EPHA5: variants seen among roughly 807,000 people sequenced by gnomAD.
EPHA5 encodes ephrin type-A receptor 5.
In EPHA5, 60 loss-of-function variants were observed where a neutral mutation model predicts 105.0. The ratio of observed to expected loss-of-function variants is 0.57; its 90% CI spans 0.46 to 0.71. EPHA5 has a LOEUF of 0.71. Ranked by LOEUF, EPHA5 falls within the 30% of genes least tolerant of loss-of-function variation. EPHA5 has a pLI of 0.00. For missense variants in EPHA5, 1,218 were observed against 1,274.7 expected (o/e 0.96, Z 0.68); for synonymous variants, 513 against 449.1 (o/e 1.14, Z -1.80).
At chr4:65,433,745 G>A (rs1447166401) in intron 5 of EPHA5, among the ~76,000 whole-genome samples, 4 of 152,066 alleles carry the variant, frequency 2.6e-5, no homozygotes, top group Admixed American at 6.6e-5. Context: ...GACTTCCTTG[G>A]CTCCAGCCTC....
rs111582949 is a variant in EPHA5, at chr4:65,612,433, T to A, written c.247-10129A>T. On this transcript the variant is annotated intron_variant, in intron 2 of 16. Coordinates refer to ENST00000613740, the MANE Select transcript of EPHA5 (RefSeq NM_001281766.3). ...TAAGTGGGAACATCTGGAATTTGAC[T>A]GTTTCTGAACTGTTTCACTTATGAT... 3.6e-4 allele frequency among the ~76,000 whole-genome samples: 55 copies of A among 152,340 alleles called. 2 individuals carry two copies. Among genetic ancestry groups the A allele is most frequent in the African/African-American group, 1.3e-3 (53 of 41,582 alleles).
chr4:65,579,354 G>A (rs1170131303), intron 3 of EPHA5, among the ~76,000 whole-genome samples: 1 of 95,454 alleles, frequency 1.0e-5, no homozygotes, highest in African/African-American at 3.9e-5. Context: ...ATATATGTAT[G>A]TGTGTATATA....
chr4:65,343,856 GTTT>G (rs10601380), intron 14 of EPHA5, among the ~76,000 whole-genome samples: 3 of 150,840 alleles, frequency 2.0e-5, no homozygotes, highest in African/African-American at 4.9e-5. Flanking sequence ...AAATATTAGT[GTTT>G]TTTTTTTCTT....
chr4:65,455,499 C>G (rs576108501), intron 5 of EPHA5, among the ~76,000 whole-genome samples: 1 of 152,070 alleles, frequency 6.6e-6, no homozygotes, highest in South Asian at 2.1e-4. Context: ...TCATAAGGAA[C>G]GCTGATCTGC....
chr4:65,555,184 T>A (rs1325058323), intron 3 of EPHA5, among the ~76,000 whole-genome samples: 1 of 151,918 alleles, frequency 6.6e-6, no homozygotes, highest in Non-Finnish European at 1.5e-5. Flanking sequence ...TTTACTCCCA[T>A]GTGTGTCCTT....
chr4:65,560,861 C>A (rs1159398378), intron 3 of EPHA5, among the ~76,000 whole-genome samples: 1 of 151,946 alleles, frequency 6.6e-6, no homozygotes, highest in Non-Finnish European at 1.5e-5. Context: ...AAAATTATTT[C>A]TAAGTAAAAT....
intron 3 of EPHA5, among the ~76,000 whole-genome samples, chr4:65,566,277 G>A (rs1166572635): frequency 6.6e-6 from 1 of 151,710 alleles, no homozygotes; most frequent in Non-Finnish European, 1.5e-5. Flanking sequence ...ATTGCAGTGT[G>A]TAGCAAACAC....
intron 14 of EPHA5, 99 bp from the exon 15 acceptor site, chr4:65,336,224 C>A: frequency 1.1e-6 from 1 of 909,162 alleles, no homozygotes. Flanking sequence ...CTTTCTTATC[C>A]TTACTCTTGC....
intron 3 of EPHA5, among the ~76,000 whole-genome samples, chr4:65,539,150 A>G (rs1341165516): frequency 6.6e-6 from 1 of 151,624 alleles, no homozygotes; most frequent in Non-Finnish European, 1.5e-5. Flanking sequence ...AGGCATTATA[A>G]TAAAATGGGG....
intron 8 of EPHA5, among the ~76,000 whole-genome samples, chr4:65,387,306 C>A (rs1255561276): frequency 1.3e-5 from 2 of 151,866 alleles, no homozygotes; most frequent in Non-Finnish European, 2.9e-5. Flanking sequence ...GGAGCAGGAT[C>A]CAGTCACCAT....
intron 3 of EPHA5, among the ~76,000 whole-genome samples, chr4:65,586,869 T>A (rs758699114): frequency 5.9e-5 from 9 of 152,122 alleles, no homozygotes; most frequent in Admixed American, 2.0e-4. Flanking sequence ...TGCATGGATA[T>A]GAATTTTATT....
chr4:65,658,298 A>G (rs1749248944), intron 1 of EPHA5, among the ~76,000 whole-genome samples: 1 of 152,050 alleles, frequency 6.6e-6, no homozygotes, highest in Non-Finnish European at 1.5e-5. Flanking sequence ...AACAGGCAGG[A>G]GAGGTGGGCC....
chr4:65,606,373 T>A (rs1415285965), intron 2 of EPHA5, among the ~76,000 whole-genome samples: 1 of 152,186 alleles, frequency 6.6e-6, no homozygotes, highest in East Asian at 1.9e-4. Flanking sequence ...TAATTTGGAA[T>A]AATTCAAACA....
chr4:65,635,288 A>G (rs139584179), intron 2 of EPHA5, among the ~76,000 whole-genome samples: 1 of 152,242 alleles, frequency 6.6e-6, no homozygotes, highest in East Asian at 1.9e-4. Flanking sequence ...TCTCCATTTT[A>G]GTACAAATAC....
chr4:65,362,584 A>C (rs1462942017), intron 11 of EPHA5, among the ~76,000 whole-genome samples: 1 of 151,708 alleles, frequency 6.6e-6, no homozygotes, highest in East Asian at 1.9e-4. Context: ...TATTTGATTA[A>C]GAGATCAGAA....
intron 3 of EPHA5, among the ~76,000 whole-genome samples, chr4:65,590,647 G>A (rs1742546186): frequency 1.3e-5 from 2 of 152,068 alleles, no homozygotes; most frequent in African/African-American, 2.4e-5. Context: ...GCATAAATTG[G>A]AGAGAAAGAG....
chr4:65,486,087 A>T (rs1247490669), intron 5 of EPHA5, among the ~76,000 whole-genome samples: 3 of 152,150 alleles, frequency 2.0e-5, no homozygotes, highest in Admixed American at 2.0e-4. Context: ...TTTGTTTATT[A>T]TTCTAAGGAC....
At chr4:65,563,457 T>C (rs1425190003) in intron 3 of EPHA5, among the ~76,000 whole-genome samples, 3 of 152,106 alleles carry the variant, frequency 2.0e-5, no homozygotes, top group South Asian at 2.1e-4. Context: ...TGGAGTAGTA[T>C]AATTATTTGT....
chr4:65,436,108 C>T (rs1364250827), intron 5 of EPHA5, among the ~76,000 whole-genome samples: 1 of 151,892 alleles, frequency 6.6e-6, no homozygotes, highest in Non-Finnish European at 1.5e-5. Context: ...GTAGATTAAG[C>T]TGTTACTGAT....
Sources: gnomAD v4.1 joint callset for allele counts (sites outside exome capture counted in the v4.1 genomes callset) on GRCh38, gnomAD v4.1.1 for gene constraint, MANE v1.5 for transcripts, NCBI Gene and HGNC (gene_info 2026-07-23, HGNC 2026-07-21) for gene names.